The following COLGALT2 variants were observed in gnomAD, a reference collection of about 807,000 sequenced individuals.
COLGALT2 encodes collagen beta(1-O)galactosyltransferase 2.
In COLGALT2, 49 loss-of-function variants were observed where a neutral mutation model predicts 73.4. That is an observed-to-expected ratio of 0.67 (90% CI 0.53 to 0.85). The LOEUF (loss-of-function observed/expected upper bound fraction) is 0.85. Among genes scored for constraint, COLGALT2 ranks in the 40% least tolerant of loss-of-function variants. The pLI is 0.00. For missense variants in COLGALT2, 722 were observed against 790.2 expected, an observed-to-expected ratio of 0.91 and a Z score of 1.03; for synonymous variants, 295 against 307.6, an observed-to-expected ratio of 0.96 and a Z score of 0.43.
chr1:183,936,718 T>G lies in COLGALT2; in HGVS notation c.*2043A>C, dbSNP rs1386083729. The G allele has an allele frequency of 4.9e-6, 6 of 1,230,276 alleles. No homozygotes were observed. In the East Asian group the frequency reaches 1.9e-4, roughly 39 times the overall value. 76.2% of individuals were successfully genotyped at this position (1,230,276 alleles called of 1,614,324 possible). The stretch of plus-strand genomic sequence containing the variant: ...AATCACCTAAGGAATTTTCACTCGC[T>G]CCCCAGATGCTCTTTCTGTTTTTCT... On this transcript the variant is annotated 3_prime_UTR_variant, in exon 12 of 12. Transcript: ENST00000361927.
At chr1:183,964,425 GC>G (rs1334585818) in intron 5 of COLGALT2, 1 of 221,144 alleles carries the variant, frequency 4.5e-6, no homozygotes, top group Admixed American at 5.8e-5. Context: ...TGATATGAAA[GC>G]AAACAGGAAA....
rs1417542577 is a variant in COLGALT2 at position 183,938,832 on chromosome 1, T to G, written c.1810A>C (p.Asn604His). The change falls in exon 12 of 12, where the codon AAT (asparagine) becomes CAT (histidine). Residue 604 changes from asparagine to histidine, a missense_variant. Coordinates refer to ENST00000361927, the MANE Select transcript of COLGALT2 (RefSeq NM_015101.4). ...GGCAGGGCCTCTGTGTTCTTGGCAT[T>G]GCTGTAGATGCGGCTTTGCTTCCGG... ...KSRKQSRIYS[N>H]AKNTEALPPP... 6.2e-7 allele frequency: 1 copy of G among 1,614,166 alleles called. No homozygotes were observed. The highest frequency in any genetic ancestry group is 1.1e-5 in the South Asian group (1 of 91,068).
At chr1:183,947,955 T>C (rs1670295005) in intron 8 of COLGALT2, among the ~76,000 whole-genome samples, 1 of 152,094 alleles carries the variant, frequency 6.6e-6, no homozygotes, top group Admixed American at 6.5e-5. Flanking sequence ...ATGATAATAC[T>C]ATGAACAATT....
chr1:184,004,814 A>T (rs942767191), intron 1 of COLGALT2, among the ~76,000 whole-genome samples: 2 of 152,230 alleles, frequency 1.3e-5, no homozygotes, highest in East Asian at 3.9e-4. Flanking sequence ...AGTCACAGAG[A>T]GCACAGGGAG....
intron 1 of COLGALT2, among the ~76,000 whole-genome samples, chr1:184,035,849 C>T (rs1649655732): frequency 6.6e-6 from 1 of 152,246 alleles, no homozygotes; most frequent in South Asian, 2.1e-4. Context: ...ATGCCCTTCT[C>T]CGCCAGGCGG....
chr1:183,978,326 T>C (rs938489692), intron 2 of COLGALT2, 84 bp downstream of exon 2: 2 of 715,136 alleles, frequency 2.8e-6, no homozygotes, highest in Admixed American at 2.3e-5. Context: ...AAGTCACATG[T>C]ACCTCCAAAC....
At chr1:184,011,712 G>C (rs1648799560) in intron 1 of COLGALT2, among the ~76,000 whole-genome samples, 1 of 152,166 alleles carries the variant, frequency 6.6e-6, no homozygotes, top group South Asian at 2.1e-4. Context: ...ATAGTCAGTA[G>C]GCAGCTCTCT....
intron 7 of COLGALT2, among the ~76,000 whole-genome samples, chr1:183,954,435 C>T (rs1670498163): frequency 6.6e-6 from 1 of 152,184 alleles, no homozygotes. Flanking sequence ...CATGTATCCT[C>T]TGTATCTTAC....
chr1:183,936,132 A>G lies in COLGALT2; in HGVS notation c.*2629T>C. On this transcript the variant is annotated 3_prime_UTR_variant, in exon 12 of 12. Coordinates refer to ENST00000361927, the MANE Select transcript of COLGALT2 (RefSeq NM_015101.4). Reference sequence around the variant, plus strand: ...CCCAAGAGAAATCCAGACAGGGTTTAGCCTCCAGAGGCAGAGAGCGGGTGC... The same window carrying G: ...CCCAAGAGAAATCCAGACAGGGTTTGGCCTCCAGAGGCAGAGAGCGGGTGC... 1.0e-6 allele frequency: 1 copy of G among 985,720 alleles called. No individual in the cohort carries two copies. The allele number at this position is 985,720 out of a possible 1,614,324, so 61.1% of individuals were successfully genotyped here.
chr1:183,980,839 A>G (rs1671330412), intron 1 of COLGALT2, among the ~76,000 whole-genome samples: 1 of 152,204 alleles, frequency 6.6e-6, no homozygotes, highest in African/African-American at 2.4e-5. Context: ...AACAGAGTCC[A>G]ACATCTTATT....
chr1:183,994,194 A>G lies in COLGALT2; in HGVS notation c.264-15674T>C, dbSNP rs943695564. On this transcript the variant is annotated intron_variant, in intron 1 of 11. Coordinates refer to ENST00000361927, the MANE Select transcript of COLGALT2 (RefSeq NM_015101.4). ...GCTGGGACTACAGGCACCCGCCACC[A>G]CACTCTACTAATTTTTTGTATTTTT... 4.6e-5 allele frequency among the ~76,000 whole-genome samples: 7 copies of G among 151,046 alleles called. No homozygotes were observed. In the East Asian group the frequency reaches 1.2e-3, roughly 25 times the overall value.
rs1215423381 is a variant in COLGALT2 at position 183,936,947 on chromosome 1, C to G, written c.*1814G>C. 2.4e-6 allele frequency: 3 copies of G among 1,231,728 alleles called. No individual in the cohort carries two copies. Among genetic ancestry groups the G allele is most frequent in the Non-Finnish European group, 3.0e-6 (3 of 987,980 alleles). The allele number at this position is 1,231,728 out of a possible 1,614,324, so 76.3% of individuals were successfully genotyped here. A position where few individuals can be genotyped will look rare whatever the true frequency, so the allele number is the denominator to read the frequency against. On this transcript the variant is annotated 3_prime_UTR_variant, in exon 12 of 12. Coordinates refer to ENST00000361927, the MANE Select transcript of COLGALT2 (RefSeq NM_015101.4). ...CCTAAAGTGGGGACCCGCCCCTCAC[C>G]TGGGGAGATGAGGCTGCCTTGACTA... is the stretch of plus-strand genomic sequence containing the variant.
chr1:183,995,722 C>G (rs766800740), intron 1 of COLGALT2, among the ~76,000 whole-genome samples: 2 of 151,698 alleles, frequency 1.3e-5, no homozygotes, highest in Non-Finnish European at 2.9e-5. Context: ...CCTTTAATAT[C>G]CCAATTTACT....
downstream of COLGALT2, among the ~76,000 whole-genome samples, chr1:183,932,396 G>T (rs1359293090): frequency 1.3e-5 from 2 of 151,912 alleles, no homozygotes; most frequent in African/African-American, 4.8e-5. Flanking sequence ...TTTGGTGCAT[G>T]ATACAAGAGT....
chr1:183,975,875 G>A (rs570084803), intron 2 of COLGALT2, among the ~76,000 whole-genome samples: 1 of 152,322 alleles, frequency 6.6e-6, no homozygotes, highest in South Asian at 2.1e-4. Flanking sequence ...CATTGATACT[G>A]TTGCAGTAAC....
intron 1 of COLGALT2, among the ~76,000 whole-genome samples, chr1:184,034,203 T>C (rs1340765355): frequency 1.3e-5 from 2 of 152,160 alleles, no homozygotes; most frequent in Non-Finnish European, 2.9e-5. Context: ...TACAATCTGT[T>C]TGGAGACTTG....
At chr1:183,949,517 G>A (rs899145455) in intron 8 of COLGALT2, among the ~76,000 whole-genome samples, 11 of 152,260 alleles carry the variant, frequency 7.2e-5, no homozygotes, top group Non-Finnish European at 1.6e-4. Context: ...GGGACAAATG[G>A]ATAACCATGT....
chr1:183,976,653 A>G (rs1000370317), intron 2 of COLGALT2, among the ~76,000 whole-genome samples: 1 of 152,158 alleles, frequency 6.6e-6, no homozygotes, highest in African/African-American at 2.4e-5. Flanking sequence ...GTGCCTGCCA[A>G]GAACATGGCT....
intron 8 of COLGALT2, 81 bp from the exon 9 acceptor site, chr1:183,945,645 T>G (rs1436212503): frequency 6.7e-7 from 1 of 1,499,188 alleles, no homozygotes; most frequent in African/African-American, 1.4e-5. Flanking sequence ...GAGTTAGTTC[T>G]GCAAACACCC....
Sources: allele counts gnomAD v4.1 joint callset (sites outside exome capture counted in the v4.1 genomes callset), GRCh38; gene constraint gnomAD v4.1.1; transcripts MANE v1.5; gene names NCBI Gene and HGNC (gene_info 2026-07-23, HGNC 2026-07-21).